Variants in KANK1 observed in about 807,000 individuals in gnomAD.
KANK1 encodes KN motif and ankyrin repeat domain-containing protein 1.
In KANK1, 109 loss-of-function variants were observed where a neutral mutation model predicts 106.2. The ratio of observed to expected loss-of-function variants is 1.03; its 90% CI spans 0.88 to 1.20. The LOEUF (loss-of-function observed/expected upper bound fraction) is 1.20, where lower values mean the gene tolerates loss of function less well. Among genes scored for constraint, KANK1 ranks in the 50% most tolerant of loss-of-function variants. The probability of loss-of-function intolerance (pLI) is 0.00; values close to 1 mark genes in which losing one functional copy is unlikely to be tolerated. For synonymous variants in KANK1, 873 were observed against 652.2 expected (o/e 1.34, Z -5.16); for missense variants, 2,399 against 1,710.7 (o/e 1.40, Z -7.10).
chr9:739,661 C>G (rs7860033), intron 8 of KANK1, among the ~76,000 whole-genome samples: 43,180 of 152,128 alleles, frequency 0.28, 6,794 homozygotes, highest in Non-Finnish European at 0.37. Context: ...TTCACTATCA[C>G]TCCTGACAGG....
chr9:547,747 C>T (rs900936124), intron 1 of KANK1, among the ~76,000 whole-genome samples: 1 of 152,158 alleles, frequency 6.6e-6, no homozygotes, highest in African/African-American at 2.4e-5. Context: ...TCTTGTGTCT[C>T]TGTATAACTG....
At chr9:547,076 C>T (rs905950482) in intron 1 of KANK1, among the ~76,000 whole-genome samples, 2 of 152,128 alleles carry the variant, frequency 1.3e-5, no homozygotes, top group East Asian at 1.9e-4. Context: ...GGGGCTGATG[C>T]GGAGGAGGAG....
intron 1 of KANK1, among the ~76,000 whole-genome samples, chr9:652,181 T>C (rs1841029974): frequency 1.3e-5 from 2 of 152,196 alleles, no homozygotes; most frequent in Non-Finnish European, 2.9e-5. Context: ...TTTGGAATTA[T>C]TGGACAGGTA....
chr9:525,587 G>C (rs1416167591), intron 1 of KANK1, among the ~76,000 whole-genome samples: 1 of 151,476 alleles, frequency 6.6e-6, no homozygotes, highest in African/African-American at 2.4e-5. Context: ...CAGCATGTTG[G>C]CCAGGCTGGT....
chr9:694,918 G>A (rs1156939562), intron 2 of KANK1, among the ~76,000 whole-genome samples: 4 of 152,100 alleles, frequency 2.6e-5, no homozygotes, highest in Non-Finnish European at 4.4e-5. Flanking sequence ...GACACCTGCC[G>A]TGATTCATTT....
intron 1 of KANK1, among the ~76,000 whole-genome samples, chr9:641,993 C>A (rs1181865291): frequency 2.0e-5 from 3 of 152,168 alleles, no homozygotes; most frequent in African/African-American, 7.2e-5. Flanking sequence ...TCCTCCCCAA[C>A]CACCACACAC....
At chr9:511,802 GT>G (rs2059038095) in intron 1 of KANK1, among the ~76,000 whole-genome samples, 2 of 152,172 alleles carry the variant, frequency 1.3e-5, no homozygotes, top group African/African-American at 4.8e-5. Context: ...GATAACTGCT[GT>G]TTCTGTTTTT....
intron 1 of KANK1, among the ~76,000 whole-genome samples, chr9:570,506 C>A (rs1818900738): frequency 6.6e-6 from 1 of 152,130 alleles, no homozygotes; most frequent in Admixed American, 6.5e-5. Flanking sequence ...GGTACTCTTA[C>A]CAGAAAGTTA....
intron 1 of KANK1, among the ~76,000 whole-genome samples, chr9:617,190 C>G (rs1832052812): frequency 6.6e-6 from 1 of 151,856 alleles, no homozygotes; most frequent in Admixed American, 6.6e-5. Flanking sequence ...TTGAACTGTC[C>G]TTAATGTTAT....
intron 1 of KANK1, among the ~76,000 whole-genome samples, chr9:671,569 T>TGG (rs1845911319): frequency 8.2e-6 from 1 of 121,778 alleles, no homozygotes; most frequent in African/African-American, 3.4e-5. Context: ...CGTGCCGAGA[T>TGG]GGCGCCACTG....
chr9:541,935 A>G (rs1044545735), intron 1 of KANK1, among the ~76,000 whole-genome samples: 1 of 151,510 alleles, frequency 6.6e-6, no homozygotes, highest in African/African-American at 2.4e-5. Context: ...TAAAAATACA[A>G]AAAATTAGCC....
At chr9:596,997 A>G (rs1186315708) in intron 1 of KANK1, among the ~76,000 whole-genome samples, 5 of 151,926 alleles carry the variant, frequency 3.3e-5, no homozygotes, top group Non-Finnish European at 7.3e-5. Context: ...ATGTTCTCAT[A>G]CAATATGTGA....
chr9:652,724 G>A (rs1841185934), intron 1 of KANK1, among the ~76,000 whole-genome samples: 1 of 152,152 alleles, frequency 6.6e-6, no homozygotes, highest in Non-Finnish European at 1.5e-5. Context: ...GTACATACAT[G>A]CTTATAAAAC....
intron 1 of KANK1, among the ~76,000 whole-genome samples, chr9:524,349 T>C (rs909566552): frequency 1.5e-5 from 2 of 132,102 alleles, no homozygotes; most frequent in Non-Finnish European, 3.1e-5. Flanking sequence ...TGTTTGACTT[T>C]TCAAGTAACT....
intron 2 of KANK1, among the ~76,000 whole-genome samples, chr9:709,169 T>C (rs1825195132): frequency 6.6e-6 from 1 of 152,246 alleles, no homozygotes; most frequent in African/African-American, 2.4e-5. Context: ...GAGAAAACTC[T>C]TCCTACAGTT....
intron 1 of KANK1, among the ~76,000 whole-genome samples, chr9:550,433 G>T (rs2061208543): frequency 6.6e-6 from 1 of 152,150 alleles, no homozygotes; most frequent in Non-Finnish European, 1.5e-5. Context: ...TAAACAGCAA[G>T]AACAGATAAG....
intron 1 of KANK1, among the ~76,000 whole-genome samples, chr9:591,623 A>ACG (rs1261897391): frequency 6.6e-6 from 1 of 151,630 alleles, no homozygotes; most frequent in Non-Finnish European, 1.5e-5. Context: ...ATGTGTGCAC[A>ACG]CGCGCACACA....
Position 731,217 on chromosome 9 carries a change from G to T in KANK1, c.2956G>T (p.Asp986Tyr), listed in dbSNP as rs571520878. The change falls in exon 5 of 12, where the codon GAT becomes TAT. Residue 986 changes from aspartate to tyrosine, a missense_variant. Transcript: ENST00000382297. ...CATGAAGAAGAAAGATGGTAACAAA[G>T]ATTCAAATGGCGCAAAAAAGAATCT... is the stretch of plus-strand genomic sequence containing the variant. ...SIMKKKDGNKDSNGAKKNLQF... is the reference protein window; with the variant it reads ...SIMKKKDGNKYSNGAKKNLQF... The T allele has an allele frequency of 6.2e-7, 1 of 1,612,164 alleles. No homozygotes were observed. The highest frequency in any genetic ancestry group is 8.5e-7 in the Non-Finnish European group (1 of 1,178,448).
intron 2 of KANK1, 102 bp downstream of exon 2, chr9:677,111 T>A (rs1816567401): frequency 2.8e-6 from 3 of 1,069,720 alleles, no homozygotes; most frequent in Non-Finnish European, 4.1e-6. Flanking sequence ...GTTGCCTAGA[T>A]AACTAGGATT....
Sources: gnomAD v4.1 joint callset for allele counts (sites outside exome capture counted in the v4.1 genomes callset) on GRCh38, gnomAD v4.1.1 for gene constraint, MANE v1.5 for transcripts, NCBI Gene and HGNC (gene_info 2026-07-23, HGNC 2026-07-21) for gene names.